Variants in THSD7B observed in about 807,000 individuals in gnomAD.
THSD7B encodes thrombospondin type-1 domain-containing protein 7B.
Under a neutral mutation model 213.6 loss-of-function variants are expected in THSD7B, and 138 were observed. That is an observed-to-expected ratio of 0.65 (90% CI 0.56 to 0.74). The LOEUF (loss-of-function observed/expected upper bound fraction) is 0.74. Among genes scored for constraint, THSD7B ranks in the 30% least tolerant of loss-of-function variants. THSD7B has a pLI of 0.00. For missense variants in THSD7B, 1,931 were observed against 1,991.5 expected, an observed-to-expected ratio of 0.97 and a Z score of 0.58; for synonymous variants, 742 against 687.0, an observed-to-expected ratio of 1.08 and a Z score of -1.25.
At chr2:136,890,427 CTT>C (rs1683813461) in intron 2 of THSD7B, among the ~76,000 whole-genome samples, 2 of 3,722 alleles carry the variant, frequency 5.4e-4, no homozygotes, top group Non-Finnish European at 7.3e-4. Flanking sequence ...TCTTCTTCTT[CTT>C]CTTCTTCTTC....
chr2:137,355,501 A>G (rs1343542489), intron 12 of THSD7B, among the ~76,000 whole-genome samples: 1 of 152,218 alleles, frequency 6.6e-6, no homozygotes, highest in Non-Finnish European at 1.5e-5. Flanking sequence ...CAAGATAAAA[A>G]GTATAAAGAA....
intron 12 of THSD7B, among the ~76,000 whole-genome samples, chr2:137,314,462 A>G (rs1420585601): frequency 1.3e-5 from 2 of 152,216 alleles, no homozygotes; most frequent in Non-Finnish European, 2.9e-5. Flanking sequence ...ATGTCCTCCC[A>G]TAGCTCGGAG....
At chr2:137,369,501 G>T (rs1231146313) in intron 12 of THSD7B, among the ~76,000 whole-genome samples, 1 of 152,146 alleles carries the variant, frequency 6.6e-6, no homozygotes, top group African/African-American at 2.4e-5. Flanking sequence ...TAGAAATGGA[G>T]AAAGAAGAAC....
In THSD7B at chr2:137,140,181, A is replaced by G. The variant is rs959038381; in HGVS notation, c.1370-20032A>G. On this transcript the variant is annotated intron_variant, in intron 5 of 27. Transcript: ENST00000409968. ...ACTATATATATATACTGATATCTAG[A>G]TGTACATGCAGAATATTTTTTCAAA... is the stretch of plus-strand genomic sequence containing the variant. Among the ~76,000 whole-genome samples the G allele has an allele frequency of 5.3e-5, 8 of 152,208 alleles. No homozygotes were observed. In the South Asian group the frequency reaches 6.2e-4, roughly 12 times the overall value.
At chr2:137,579,354 A>G (rs2105243313) in intron 17 of THSD7B, among the ~76,000 whole-genome samples, 1 of 152,292 alleles carries the variant, frequency 6.6e-6, no homozygotes, top group East Asian at 1.9e-4. Flanking sequence ...CTCAAACCAA[A>G]ACATTGGTCC....
intron 2 of THSD7B, among the ~76,000 whole-genome samples, chr2:136,924,317 G>A (rs560429522): frequency 4.6e-5 from 7 of 150,790 alleles, no homozygotes; most frequent in African/African-American, 1.5e-4. Context: ...CTGACCTCAA[G>A]TGATCCACCT....
chr2:137,249,855 C>T (rs1030681776), intron 10 of THSD7B, among the ~76,000 whole-genome samples: 5 of 152,178 alleles, frequency 3.3e-5, no homozygotes, highest in African/African-American at 1.2e-4. Flanking sequence ...ATTTGAAGTC[C>T]AGTACCTTTA....
At chr2:136,821,979 G>T (rs1055965763) in intron 1 of THSD7B, among the ~76,000 whole-genome samples, 1 of 152,052 alleles carries the variant, frequency 6.6e-6, no homozygotes, top group Non-Finnish European at 1.5e-5. Context: ...GAATAACTAG[G>T]AACATAATGA....
intron 1 of THSD7B, among the ~76,000 whole-genome samples, chr2:136,824,966 T>G (rs1447483758): frequency 6.6e-6 from 1 of 152,220 alleles, no homozygotes; most frequent in East Asian, 1.9e-4. Context: ...TGCCTCTGAT[T>G]ACCTGGGGAT....
chr2:137,210,155 CTG>C (rs975803992), intron 7 of THSD7B, among the ~76,000 whole-genome samples: 1 of 152,078 alleles, frequency 6.6e-6, no homozygotes, highest in African/African-American at 2.4e-5. Flanking sequence ...GCTACTCAGT[CTG>C]TGGTATTTTG....
In THSD7B at chr2:137,070,247, A is replaced by G. The variant is rs1442475234; in HGVS notation, c.950+13017A>G. ...AATTTTTTTTCACTTAACATTTCCT[A>G]GGAATTAGTTCATATTAGTTATTCA... On this transcript the variant is annotated intron_variant, in intron 3 of 27. Coordinates refer to ENST00000409968, the MANE Select transcript of THSD7B (RefSeq NM_001316349.2). 3.3e-5 allele frequency among the ~76,000 whole-genome samples: 5 copies of G among 151,814 alleles called. 1 individual carries two copies. Among genetic ancestry groups the G allele is most frequent in the Non-Finnish European group, 5.9e-5 (4 of 67,920 alleles).
intron 15 of THSD7B, among the ~76,000 whole-genome samples, chr2:137,537,155 T>C (rs1680522367): frequency 6.6e-6 from 1 of 151,758 alleles, no homozygotes. Flanking sequence ...TCATCAAGCT[T>C]TGGTATTAAT....
At chr2:137,644,238 T>C (rs1682989415) in intron 21 of THSD7B, among the ~76,000 whole-genome samples, 2 of 152,306 alleles carry the variant, frequency 1.3e-5, no homozygotes, top group Admixed American at 6.5e-5. Context: ...CTGACACTTC[T>C]AGTTGGGAAG....
chr2:137,553,878 T>C (rs1323276911), intron 15 of THSD7B, among the ~76,000 whole-genome samples: 1 of 152,206 alleles, frequency 6.6e-6, no homozygotes, highest in Admixed American at 6.5e-5. Context: ...TGAGAAGGAA[T>C]TGGGCATCTG....
At chr2:137,016,504 C>T (rs1015945894) in intron 2 of THSD7B, among the ~76,000 whole-genome samples, 1 of 152,172 alleles carries the variant, frequency 6.6e-6, no homozygotes, top group Non-Finnish European at 1.5e-5. Flanking sequence ...ACTGTGAAAC[C>T]TACTTGCCAC....
intron 5 of THSD7B, among the ~76,000 whole-genome samples, chr2:137,117,271 T>C (rs1864801): frequency 3.3e-5 from 5 of 152,040 alleles, no homozygotes; most frequent in African/African-American, 1.2e-4. Context: ...AGATGTACCT[T>C]GACAAATCTG....
chr2:137,282,013 C>A (rs1683033417), intron 12 of THSD7B, among the ~76,000 whole-genome samples: 2 of 152,120 alleles, frequency 1.3e-5, no homozygotes, highest in African/African-American at 4.8e-5. Flanking sequence ...AGTTTATAGT[C>A]CCACCAACAG....
chr2:137,265,287 T>A (rs1292552090), intron 10 of THSD7B, among the ~76,000 whole-genome samples: 1 of 152,124 alleles, frequency 6.6e-6, no homozygotes, highest in South Asian at 2.1e-4. Flanking sequence ...CCAGTTAGAA[T>A]GGCAATCATT....
At chr2:137,140,937 G>C (rs1043317017) in intron 5 of THSD7B, among the ~76,000 whole-genome samples, 1 of 152,190 alleles carries the variant, frequency 6.6e-6, no homozygotes, top group Non-Finnish European at 1.5e-5. Context: ...GTCAGTAAAA[G>C]TTCTATCTCA....
Sources: allele counts gnomAD v4.1 joint callset (sites outside exome capture counted in the v4.1 genomes callset), GRCh38; gene constraint gnomAD v4.1.1; transcripts MANE v1.5; gene names NCBI Gene and HGNC (gene_info 2026-07-23, HGNC 2026-07-21).